The following FMN1 variants were observed in gnomAD, a reference collection of about 807,000 sequenced individuals.
FMN1 encodes the protein formin 1.
A neutral mutation model predicts 132.4 loss-of-function variants in FMN1; 110 were observed. That is an observed-to-expected ratio of 0.83 (90% CI 0.71 to 0.97). The LOEUF (loss-of-function observed/expected upper bound fraction) is 0.97. Among genes scored for constraint, FMN1 ranks in the 50% least tolerant of loss-of-function variants. The pLI, the probability that FMN1 is intolerant of heterozygous loss-of-function variation, is 0.00. For synonymous variants in FMN1, 722 were observed against 651.7 expected (o/e 1.11, Z -1.64); for missense variants, 1,792 against 1,705.3 (o/e 1.05, Z -0.90).
At chr15:33,074,519 T>G (rs2038122801) in intron 5 of FMN1, among the ~76,000 whole-genome samples, 1 of 152,188 alleles carries the variant, frequency 6.6e-6, no homozygotes, top group African/African-American at 2.4e-5. Flanking sequence ...TGAAAAGTCT[T>G]AAGAGTAAAA....
At chr15:32,836,963 AT>A (rs61128765) in intron 17 of FMN1, 6,252 of 196,242 alleles carry the variant, frequency 0.032, 117 homozygotes, top group East Asian at 0.09. Flanking sequence ...AAATAGATGC[AT>A]TTTTTTTTTT....
chr15:33,050,140 C>T (rs1333615749), intron 6 of FMN1, among the ~76,000 whole-genome samples: 1 of 152,178 alleles, frequency 6.6e-6, no homozygotes. Context: ...GTAGGCTTGG[C>T]TAAGGTGATG....
intron 17 of FMN1, among the ~76,000 whole-genome samples, chr15:32,855,227 G>C (rs568207461): frequency 6.3e-4 from 96 of 151,216 alleles, no homozygotes; most frequent in Admixed American, 2.7e-3. Context: ...CCTGAGAGAT[G>C]CTGATGATGG....
At chr15:32,798,099 C>T (rs1222802867) in intron 19 of FMN1, among the ~76,000 whole-genome samples, 1 of 151,866 alleles carries the variant, frequency 6.6e-6, no homozygotes, top group Non-Finnish European at 1.5e-5. Flanking sequence ...ATAACAGTGG[C>T]AACCCAATCA....
chr15:33,113,726 G>T (rs547641694), intron 4 of FMN1, among the ~76,000 whole-genome samples: 1 of 152,220 alleles, frequency 6.6e-6, no homozygotes, highest in Admixed American at 6.5e-5. Context: ...ACTGTGCATT[G>T]GATTCCTGGT....
At chr15:32,949,322 A>C (rs1389135371) in intron 9 of FMN1, among the ~76,000 whole-genome samples, 1 of 152,176 alleles carries the variant, frequency 6.6e-6, no homozygotes, top group Non-Finnish European at 1.5e-5. Context: ...CCAAAAGAGC[A>C]TGGTACTAAT....
chr15:33,152,995 T>C (rs1964507799), intron 4 of FMN1, 53 bp downstream of exon 4: 3 of 1,434,364 alleles, frequency 2.1e-6, no homozygotes, highest in Non-Finnish European at 2.7e-6. Context: ...GGCAGACTGA[T>C]AGTTCCCCAA....
intron 6 of FMN1, among the ~76,000 whole-genome samples, chr15:33,031,055 G>A (rs1306084579): frequency 6.7e-6 from 1 of 148,360 alleles, no homozygotes; most frequent in African/African-American, 2.5e-5. Context: ...TCAACTCCCT[G>A]TGTGGGAATT....
intron 17 of FMN1, among the ~76,000 whole-genome samples, chr15:32,821,323 G>T (rs898587057): frequency 6.6e-6 from 1 of 151,666 alleles, no homozygotes; most frequent in African/African-American, 2.4e-5. Flanking sequence ...CACCAAGCTT[G>T]CTGGCTATTT....
chr15:33,052,199 C>T (rs2037006569), intron 6 of FMN1, among the ~76,000 whole-genome samples: 1 of 152,174 alleles, frequency 6.6e-6, no homozygotes, highest in Non-Finnish European at 1.5e-5. Flanking sequence ...CTATACATAA[C>T]TATGCTGGTG....
chr15:32,895,071 TGCTATCATAA>T (rs993710808), intron 15 of FMN1, among the ~76,000 whole-genome samples: 2 of 152,214 alleles, frequency 1.3e-5, no homozygotes, highest in Non-Finnish European at 2.9e-5. Context: ...TCCAATATTT[TGCTATCATAA>T]GCTATTATAA....
At chr15:32,958,268 A>C (rs1295458926) in intron 9 of FMN1, among the ~76,000 whole-genome samples, 1 of 152,198 alleles carries the variant, frequency 6.6e-6, no homozygotes, top group African/African-American at 2.4e-5. Context: ...TCTCATTCAT[A>C]AACTTCAAAT....
chr15:32,960,035 C>T (rs927318407), intron 9 of FMN1, among the ~76,000 whole-genome samples: 1 of 152,200 alleles, frequency 6.6e-6, no homozygotes, highest in Non-Finnish European at 1.5e-5. Context: ...AGAAACAAGT[C>T]TTCTGCTTCT....
In FMN1 at chr15:32,783,737, T is replaced by A. The variant is rs568945935; in HGVS notation, c.4131-6818A>T. ...TCCAGCCTGGGCGACAGAGCGAGAC[T>A]CTGTTTCAAAAAAAAAAAAAAAAAA... On this transcript the variant is annotated intron_variant, in intron 19 of 20. Coordinates refer to ENST00000616417, the MANE Select transcript of FMN1 (RefSeq NM_001277313.2). Among the ~76,000 whole-genome samples the A allele has an allele frequency of 8.6e-3, 765 of 89,274 alleles. 29 individuals are homozygous for A. Among genetic ancestry groups the A allele is most frequent in the African/African-American group, 0.035 (730 of 20,976 alleles). The allele number at this position is 89,274 out of a possible 152,430, so 58.6% of individuals were successfully genotyped here. A position where few individuals can be genotyped will look rare whatever the true frequency, so the allele number is the denominator to read the frequency against.
At chr15:32,877,751 G>T (rs1258998353) in intron 16 of FMN1, among the ~76,000 whole-genome samples, 1 of 152,154 alleles carries the variant, frequency 6.6e-6, no homozygotes, top group Admixed American at 6.5e-5. Flanking sequence ...CCCTCTAAAA[G>T]ATTCTACTCA....
intron 19 of FMN1, 72 bp from the exon 20 acceptor site, chr15:32,776,991 G>C (rs1185622159): frequency 1.2e-5 from 11 of 913,016 alleles, no homozygotes; most frequent in Admixed American, 2.4e-5. Flanking sequence ...AAGAAGAAAA[G>C]AGTTAAGGCA....
intron 6 of FMN1, among the ~76,000 whole-genome samples, chr15:33,036,015 C>A (rs2036176086): frequency 6.6e-6 from 1 of 152,188 alleles, no homozygotes; most frequent in South Asian, 2.1e-4. Flanking sequence ...CCCCACACCA[C>A]CTCGGGACTC....
At chr15:32,805,557 T>C (rs969974753) in intron 17 of FMN1, among the ~76,000 whole-genome samples, 9 of 152,232 alleles carry the variant, frequency 5.9e-5, no homozygotes. Flanking sequence ...TTTGGTGTTT[T>C]AGTCATGAAG....
chr15:33,164,183 C>G (rs1489324540), intron 3 of FMN1, among the ~76,000 whole-genome samples: 1 of 152,130 alleles, frequency 6.6e-6, no homozygotes, highest in Non-Finnish European at 1.5e-5. Flanking sequence ...CTTATTTTCT[C>G]AATGATTTTT....
Sources: allele counts gnomAD v4.1 joint callset (sites outside exome capture counted in the v4.1 genomes callset), GRCh38; gene constraint gnomAD v4.1.1; transcripts MANE v1.5; gene names NCBI Gene and HGNC (gene_info 2026-07-23, HGNC 2026-07-21).